RARB: variants seen among roughly 807,000 people sequenced by gnomAD.
RARB encodes the protein HBV-activated protein.
In RARB, 17 loss-of-function variants were observed where a neutral mutation model predicts 51.9. The observed-to-expected ratio is 0.33, with a 90% CI of 0.22 to 0.49. RARB has a LOEUF of 0.49. Among genes scored for constraint, RARB ranks in the 20% least tolerant of loss-of-function variants. RARB has a pLI of 0.99. For synonymous variants in RARB, 215 were observed against 195.4 expected, an observed-to-expected ratio of 1.10 and a Z score of -0.84; for missense variants, 369 against 550.8, an observed-to-expected ratio of 0.67 and a Z score of 3.30.
At chr3:25,188,203 C>T (rs1443426941) in intron 5 of RARB, among the ~76,000 whole-genome samples, 2 of 152,012 alleles carry the variant, frequency 1.3e-5, no homozygotes, top group African/African-American at 4.8e-5. Context: ...AGGGAATCAT[C>T]CCTGATGTTT....
intron 2 of RARB, among the ~76,000 whole-genome samples, chr3:24,949,188 T>C (rs972517807): frequency 1.3e-5 from 2 of 152,220 alleles, no homozygotes; most frequent in African/African-American, 4.8e-5. Context: ...CTTTCCAATG[T>C]CAAAGGTATT....
chr3:25,052,623 A>G (rs186957790), intron 2 of RARB, among the ~76,000 whole-genome samples: 12 of 152,324 alleles, frequency 7.9e-5, no homozygotes, highest in African/African-American at 2.4e-4. Context: ...ACATAGCAGC[A>G]TGGAAAAGTT....
intron 2 of RARB, among the ~76,000 whole-genome samples, chr3:24,965,177 T>C (rs564443283): frequency 6.6e-6 from 1 of 152,092 alleles, no homozygotes; most frequent in Non-Finnish European, 1.5e-5. Flanking sequence ...ATGTGTGGAG[T>C]TCTTATATTT....
chr3:25,139,801 A>G (rs529518036), intron 4 of RARB, among the ~76,000 whole-genome samples: 1 of 152,238 alleles, frequency 6.6e-6, no homozygotes, highest in East Asian at 1.9e-4. Flanking sequence ...TTCAAAGGAC[A>G]GTCTCTCTTT....
At chr3:25,360,780 T>G (rs1177441937) in intron 5 of RARB, among the ~76,000 whole-genome samples, 1 of 152,188 alleles carries the variant, frequency 6.6e-6, no homozygotes, top group Non-Finnish European at 1.5e-5. Context: ...TGAAAATTCT[T>G]TTTTTAAGAA....
chr3:25,179,629 C>A (rs909484708), intron 5 of RARB, among the ~76,000 whole-genome samples: 1 of 152,164 alleles, frequency 6.6e-6, no homozygotes, highest in Non-Finnish European at 1.5e-5. Flanking sequence ...TTACCTCCCT[C>A]ATTGGCTTAG....
intron 2 of RARB, among the ~76,000 whole-genome samples, chr3:25,004,234 G>A (rs926196867): frequency 5.3e-5 from 8 of 152,126 alleles, no homozygotes; most frequent in African/African-American, 1.9e-4. Context: ...GCTTCAACCT[G>A]ATAGCATGAA....
At chr3:25,464,336 C>T (rs2053024) in intron 2 of RARB, among the ~76,000 whole-genome samples, 107,781 of 152,052 alleles carry the variant, frequency 0.71, 38,960 homozygotes, top group African/African-American at 0.86. Context: ...ATTCTGACTC[C>T]TTTTTAGGAA....
At chr3:24,979,183 A>T (rs973885004) in intron 2 of RARB, among the ~76,000 whole-genome samples, 2 of 152,152 alleles carry the variant, frequency 1.3e-5, no homozygotes, top group African/African-American at 4.8e-5. Flanking sequence ...TATGTAGTCA[A>T]TTTTAGAATA....
chr3:25,582,331 G>A (rs752508771), intron 5 of RARB, among the ~76,000 whole-genome samples: 2 of 152,128 alleles, frequency 1.3e-5, no homozygotes, highest in African/African-American at 2.4e-5. Flanking sequence ...TACCACCACA[G>A]TGTCTGAGTG....
At chr3:25,017,957 A>G (rs1697551778) in intron 2 of RARB, among the ~76,000 whole-genome samples, 1 of 152,182 alleles carries the variant, frequency 6.6e-6, no homozygotes, top group Non-Finnish European at 1.5e-5. Context: ...TGTGCAATGG[A>G]AAAGGCTGTC....
intron 2 of RARB, among the ~76,000 whole-genome samples, chr3:25,038,698 G>A (rs960800680): frequency 6.6e-6 from 1 of 152,028 alleles, no homozygotes; most frequent in Non-Finnish European, 1.5e-5. Flanking sequence ...ATTTAAGTGT[G>A]GAAACTTGTC....
chr3:25,536,706 G>A (rs572913842), intron 3 of RARB, among the ~76,000 whole-genome samples: 118 of 152,340 alleles, frequency 7.7e-4, no homozygotes, highest in African/African-American at 2.7e-3. Context: ...ATGTGTTGCT[G>A]TGTTGAGCAA....
chr3:25,596,890 G>T lies in RARB; in HGVS notation c.*274G>T. The T allele has an allele frequency of 3.5e-6, 1 of 286,374 alleles. No homozygotes were observed. Among genetic ancestry groups the T allele is most frequent in the East Asian group, 5.8e-5 (1 of 17,234 alleles). 17.7% of individuals were successfully genotyped at this position (286,374 alleles called of 1,614,324 possible). A position where few individuals can be genotyped will look rare whatever the true frequency, so the allele number is the denominator to read the frequency against. On this transcript the variant is annotated 3_prime_UTR_variant, in exon 8 of 8. Coordinates refer to ENST00000330688, the MANE Select transcript of RARB (RefSeq NM_000965.5). ...TTTTCCTCTTTGAACACTCAAGATTGCATGGCAAAGACCCAGTCAAAATGA... is the reference window on the plus strand; with the variant it reads ...TTTTCCTCTTTGAACACTCAAGATTTCATGGCAAAGACCCAGTCAAAATGA...
At chr3:25,224,159 T>C (rs903490648) in intron 5 of RARB, among the ~76,000 whole-genome samples, 7 of 152,186 alleles carry the variant, frequency 4.6e-5, no homozygotes, top group African/African-American at 1.7e-4. Context: ...GTAGAAAATT[T>C]TGTGCAGTTG....
chr3:25,263,598 C>G (rs148419352), intron 5 of RARB, among the ~76,000 whole-genome samples: 1 of 152,194 alleles, frequency 6.6e-6, no homozygotes, highest in Non-Finnish European at 1.5e-5. Context: ...CAACCTCTAA[C>G]ACACACAGGC....
chr3:24,862,010 C>G (rs1056860831), intron 2 of RARB, among the ~76,000 whole-genome samples: 2 of 152,194 alleles, frequency 1.3e-5, no homozygotes, highest in African/African-American at 4.8e-5. Context: ...GACTACACTT[C>G]CGAAGTTGCT....
chr3:25,007,605 C>CAAAAAA (rs1279154112), intron 2 of RARB, among the ~76,000 whole-genome samples: 3 of 60,640 alleles, frequency 4.9e-5, no homozygotes, highest in African/African-American at 1.2e-4. Context: ...AAAAAAAAAA[C>CAAAAAA]AAAAAAACCT....
chr3:25,410,934 T>C (rs1465024138), intron 5 of RARB, among the ~76,000 whole-genome samples: 1 of 152,220 alleles, frequency 6.6e-6, no homozygotes, highest in Non-Finnish European at 1.5e-5. Flanking sequence ...GTATTTGACA[T>C]AAGAAGTCTA....
Sources: gnomAD v4.1 joint callset for allele counts (sites outside exome capture counted in the v4.1 genomes callset) on GRCh38, gnomAD v4.1.1 for gene constraint, MANE v1.5 for transcripts, NCBI Gene and HGNC (gene_info 2026-07-23, HGNC 2026-07-21) for gene names.